FBLN1: variants seen among roughly 807,000 people sequenced by gnomAD.
FBLN1 encodes fibulin-1.
Under a neutral mutation model 89.7 loss-of-function variants are expected in FBLN1, and 34 were observed. The observed-to-expected ratio is 0.38, with a 90% CI of 0.29 to 0.50. FBLN1 has a LOEUF of 0.50. Among genes scored for constraint, FBLN1 ranks in the 20% least tolerant of loss-of-function variants. FBLN1 has a pLI of 0.92. For missense variants in FBLN1, 777 were observed against 988.1 expected, an observed-to-expected ratio of 0.79 and a Z score of 2.86; for synonymous variants, 393 against 391.3, an observed-to-expected ratio of 1.00 and a Z score of -0.05.
In FBLN1 at chr22:45,518,666, T is replaced by C. The variant is rs760755343; in HGVS notation, c.80-16T>C. The C allele has an allele frequency of 2.5e-6, 4 of 1,584,194 alleles. No individual in the cohort carries two copies. The African/African-American group carries it at 4.0e-5, about 16-fold the overall frequency. On this transcript the variant is annotated splice_polypyrimidine_tract_variant and intron_variant, in intron 1 of 16. Transcript: ENST00000327858. ...AGTGGTGAGCCACCTCTCAGCTTGTTCTCTTCCCTGCACAGTGGACGCGGA... is the reference window on the plus strand; with the variant it reads ...AGTGGTGAGCCACCTCTCAGCTTGTCCTCTTCCCTGCACAGTGGACGCGGA...
intron 16 of FBLN1, among the ~76,000 whole-genome samples, chr22:45,596,917 AT>A (rs1174570553): frequency 1.3e-4 from 20 of 148,858 alleles, no homozygotes; most frequent in Admixed American, 2.7e-4. Flanking sequence ...TATAACATAT[AT>A]TTTTAATATA....
chr22:45,595,157 T>C, intron 16 of FBLN1, among the ~76,000 whole-genome samples: 1 of 152,014 alleles, frequency 6.6e-6, no homozygotes, highest in East Asian at 1.9e-4. Flanking sequence ...CAGGAAAATG[T>C]GGCTAGGCTG....
chr22:45,582,565 C>T (rs917225258), intron 16 of FBLN1, among the ~76,000 whole-genome samples: 14 of 152,228 alleles, frequency 9.2e-5, no homozygotes, highest in African/African-American at 3.4e-4. Context: ...GGACCCCTCC[C>T]AGCCTCAATG....
rs1373084111 is a variant in FBLN1, at chr22:45,574,515, C to A, written c.1702C>A (p.Gln568Lys). The change falls in exon 15 of 17, where the codon CAG becomes AAG. Residue 568 changes from glutamine (Q) to lysine (K), a missense_variant. Gln to Lys is a moderately conservative substitution (Grantham distance 53). Transcript: ENST00000327858. The surrounding 1 kb of genome is among the most constrained non-coding windows in gnomAD (Gnocchi z 4.1). Reference sequence around the variant, plus strand: ...GTGTGCTGTGGTTCCCCTCAGGCTCCAGCAGGAGAAGACAGACACGGTCCG... The same window carrying A: ...GTGTGCTGTGGTTCCCCTCAGGCTCAAGCAGGAGAAGACAGACACGGTCCG... ...ENYRRSAATL[Q>K]QEKTDTVRCI... 6.2e-7 allele frequency: 1 copy of A among 1,614,052 alleles called. No homozygotes were observed. The highest frequency in any genetic ancestry group is 1.3e-5 in the African/African-American group (1 of 74,942).
chr22:45,600,728 G>T lies in FBLN1; in HGVS notation c.*282G>T. The T allele has an allele frequency of 2.1e-6, 1 of 480,052 alleles. No homozygotes were observed. Among genetic ancestry groups the T allele is most frequent in the Non-Finnish European group, 3.8e-6 (1 of 262,104 alleles). 29.7% of individuals were successfully genotyped at this position (480,052 alleles called of 1,614,324 possible). ...CTTTCTCTGCCTCTGGCTGGGCCTT[G>T]CTAAGGGCCAAGGAAAGAAAGACAT... On this transcript the variant is annotated 3_prime_UTR_variant, in exon 17 of 17. Transcript: ENST00000327858.
In FBLN1 at chr22:45,597,980, T is replaced by C. The variant is rs1401584757; in HGVS notation, c.1973-2327T>C. On this transcript the variant is annotated intron_variant, in intron 16 of 16. Transcript: ENST00000327858. The surrounding 1 kb of genome is among the most constrained non-coding windows in gnomAD (Gnocchi z 4.2). The stretch of plus-strand genomic sequence containing the variant: ...CAGCCACTCGTACCGAAGGCCTTCC[T>C]GACCCCTCAGTTCTCCCCTGAGCCT... Among the ~76,000 whole-genome samples the C allele has an allele frequency of 6.6e-6, 1 of 152,178 alleles. No homozygotes were observed. Among genetic ancestry groups the C allele is most frequent in the Non-Finnish European group, 1.5e-5 (1 of 68,010 alleles).
In FBLN1 at chr22:45,577,322, T is replaced by C. The variant is rs2089006435; in HGVS notation, c.1972+214T>C. ...ATCCTGCCTGGGATCTGACCCTAGC[T>C]GTGCCACCCACTCTCTGGGTGACCC... On this transcript the variant is annotated intron_variant, in intron 16 of 16. Coordinates refer to ENST00000327858, the MANE Select transcript of FBLN1 (RefSeq NM_006486.3). The surrounding 1 kb of genome is among the most constrained non-coding windows in gnomAD (Gnocchi z 6.6). Among the ~76,000 whole-genome samples the C allele has an allele frequency of 6.6e-6, 1 of 152,184 alleles. No homozygotes were observed. The highest frequency in any genetic ancestry group is 1.5e-5 in the Non-Finnish European group (1 of 68,026).
intron 14 of FBLN1, among the ~76,000 whole-genome samples, chr22:45,559,517 G>A (rs1008685174): frequency 6.6e-6 from 1 of 152,162 alleles, no homozygotes; most frequent in Non-Finnish European, 1.5e-5. Flanking sequence ...ACCAGTCAGG[G>A]AGCCAGTGTG....
At chr22:45,593,896 G>T (rs891988133) in intron 16 of FBLN1, among the ~76,000 whole-genome samples, 1 of 152,206 alleles carries the variant, frequency 6.6e-6, no homozygotes, top group Non-Finnish European at 1.5e-5. Flanking sequence ...CTGGGTTGGG[G>T]ATGGTGGGGC....
intron 2 of FBLN1, chr22:45,523,092 G>C (rs547585585): frequency 5.2e-6 from 4 of 768,078 alleles, no homozygotes; most frequent in South Asian, 4.1e-5. Flanking sequence ...TAATTTTAGA[G>C]CCGTGGGGTT....
At chr22:45,596,009 G>A (rs375666474) in intron 16 of FBLN1, among the ~76,000 whole-genome samples, 6 of 152,094 alleles carry the variant, frequency 3.9e-5, no homozygotes, top group East Asian at 1.9e-4. Flanking sequence ...AGCTGGGACT[G>A]CAGGCGTGTC....
chr22:45,518,982 CCCTT>C (rs913674090), intron 2 of FBLN1, among the ~76,000 whole-genome samples, 195 bp downstream of exon 2: 7 of 152,126 alleles, frequency 4.6e-5, no homozygotes, highest in African/African-American at 1.7e-4. Context: ...CCTTGGCTCA[CCCTT>C]CCTGTGCCAC....
intron 14 of FBLN1, among the ~76,000 whole-genome samples, chr22:45,553,042 G>A (rs2088725995): frequency 6.6e-6 from 1 of 152,210 alleles, no homozygotes; most frequent in Admixed American, 6.5e-5. Context: ...GTAACACGGT[G>A]GACGGTGGCA....
Position 45,568,576 on chromosome 22 carries a change from A to G in FBLN1, c.1698-5935A>G, listed in dbSNP as rs112848931. Among the ~76,000 whole-genome samples, 968 of 99,220 alleles carry G rather than the reference A, an allele frequency of 9.8e-3. 297 individuals carry two copies. The highest frequency in any genetic ancestry group is 0.03 in the Middle Eastern group (5 of 164). 65.1% of individuals were successfully genotyped at this position (99,220 alleles called of 152,430 possible). On this transcript the variant is annotated intron_variant, in intron 14 of 16. Coordinates refer to ENST00000327858, the MANE Select transcript of FBLN1 (RefSeq NM_006486.3). ...CTGTAGGGCATGCTCCTTCTGTAGG[A>G]GAATGCTCCTGTAGGGGAATGCTCC...
At chr22:45,542,328 G>A (rs763656556) in intron 10 of FBLN1, 45 bp downstream of exon 10, 2 of 1,611,898 alleles carry the variant, frequency 1.2e-6, no homozygotes, top group Admixed American at 3.3e-5. Flanking sequence ...CAGCCACGTG[G>A]CACCAGGGAC....
chr22:45,505,428 C>T (rs2088005914), intron 1 of FBLN1, among the ~76,000 whole-genome samples: 1 of 152,232 alleles, frequency 6.6e-6, no homozygotes, highest in Non-Finnish European at 1.5e-5. Flanking sequence ...GACTCTGTGC[C>T]ATGGGGGTCA....
chr22:45,512,606 C>T (rs1261695927), intron 1 of FBLN1, among the ~76,000 whole-genome samples: 1 of 152,092 alleles, frequency 6.6e-6, no homozygotes, highest in Admixed American at 6.5e-5. Flanking sequence ...CACAGGTGAC[C>T]GGATCCCCAG....
Position 45,577,114 on chromosome 22 carries a change from T to A in FBLN1, c.1972+6T>A. On this transcript the variant is annotated splice_donor_region_variant and intron_variant, in intron 16 of 16. Transcript: ENST00000327858. This position sits in a 1 kb window ranked among gnomAD's most constrained non-coding sequence, Gnocchi z 6.6. Reference sequence around the variant, plus strand: ...CATGGACGGCATGACCGTGGGTGAGTGGCTGGGAATATCAGCTCTATCCAG... The same window carrying A: ...CATGGACGGCATGACCGTGGGTGAGAGGCTGGGAATATCAGCTCTATCCAG... 2 of 1,613,730 alleles carry A rather than the reference T, an allele frequency of 1.2e-6. No individual in the cohort carries two copies. The highest frequency in any genetic ancestry group is 1.7e-6 in the Non-Finnish European group (2 of 1,179,962).
Position 45,581,114 on chromosome 22 carries a change from T to A in FBLN1, c.1972+4006T>A, listed in dbSNP as rs2089038430. On this transcript the variant is annotated intron_variant, in intron 16 of 16. Transcript: ENST00000327858. The surrounding 1 kb of genome is among the most constrained non-coding windows in gnomAD (Gnocchi z 7.6). ...GTGCTCTGGGAAGAGATCTTTCAGGTAGTATATCCTGAGTGATGACTAATG... is the reference window on the plus strand; with the variant it reads ...GTGCTCTGGGAAGAGATCTTTCAGGAAGTATATCCTGAGTGATGACTAATG... Among the ~76,000 whole-genome samples, 1 of 152,122 alleles carries A rather than the reference T, an allele frequency of 6.6e-6. No individual in the cohort carries two copies. The highest frequency in any genetic ancestry group is 1.5e-5 in the Non-Finnish European group (1 of 68,016).
Sources: gnomAD v4.1 joint callset for allele counts (sites outside exome capture counted in the v4.1 genomes callset) on GRCh38, gnomAD v4.1.1 for gene constraint, Gnocchi (gnomAD v3.1) non-coding constraint, MANE v1.5 for transcripts, NCBI Gene and HGNC (gene_info 2026-07-23, HGNC 2026-07-21) for gene names.